The following SMG1 variants were observed in gnomAD, a reference collection of about 807,000 sequenced individuals.
SMG1 encodes serine/threonine-protein kinase SMG1.
In SMG1, 22 loss-of-function variants were observed where a neutral mutation model predicts 419.9. The ratio of observed to expected loss-of-function variants is 0.05; its 90% CI spans 0.04 to 0.07. The LOEUF (loss-of-function observed/expected upper bound fraction) is 0.07. Among genes scored for constraint, SMG1 ranks in the 10% least tolerant of loss-of-function variants. The pLI, the probability that SMG1 is intolerant of heterozygous loss-of-function variation, is 1.00. For missense variants in SMG1, 3,185 were observed against 4,342.0 expected (o/e 0.73, Z 7.49); for synonymous variants, 1,538 against 1,553.5 (o/e 0.99, Z 0.23).
intron 12 of SMG1, among the ~76,000 whole-genome samples, chr16:18,876,866 A>G (rs555204061): frequency 8.5e-5 from 13 of 152,072 alleles, no homozygotes; most frequent in Admixed American, 5.9e-4. Context: ...ACCCTTATGA[A>G]AATTTAAATT....
intron 1 of SMG1, among the ~76,000 whole-genome samples, chr16:18,919,269 G>T (rs1008012086): frequency 2.0e-5 from 3 of 151,954 alleles, no homozygotes; most frequent in African/African-American, 7.3e-5. Context: ...CGAGGTTGCA[G>T]TGAGCCAAGA....
intron 55 of SMG1, 83 bp downstream of exon 55, chr16:18,827,948 C>G (rs1326389113): frequency 1.4e-6 from 2 of 1,440,308 alleles, no homozygotes; most frequent in African/African-American, 2.8e-5. Context: ...AATAGACACA[C>G]TGAACAACAG....
intron 3 of SMG1, among the ~76,000 whole-genome samples, chr16:18,894,613 A>C (rs962495894): frequency 9.9e-5 from 15 of 151,878 alleles, no homozygotes; most frequent in Non-Finnish European, 1.5e-5. Flanking sequence ...TAAAAGTTAT[A>C]TACCAACAAT....
At chr16:18,837,023 C>T (rs548651763) in intron 46 of SMG1, among the ~76,000 whole-genome samples, 1 of 152,306 alleles carries the variant, frequency 6.6e-6, no homozygotes, top group South Asian at 2.1e-4. Context: ...CTAACCACTA[C>T]ACCCACCTAT....
chr16:18,909,173 T>C (rs1463554430), intron 1 of SMG1, among the ~76,000 whole-genome samples: 6 of 151,018 alleles, frequency 4.0e-5, no homozygotes, highest in Admixed American at 4.0e-4. Context: ...AGAAATCCTG[T>C]CTCCACTAAA....
intron 16 of SMG1, 124 bp from the exon 17 acceptor site, chr16:18,871,012 C>A: frequency 1.5e-6 from 1 of 646,292 alleles, no homozygotes; most frequent in Non-Finnish European, 2.6e-6. Flanking sequence ...AGACTAGGCA[C>A]TACTCTTGTC....
intron 55 of SMG1, among the ~76,000 whole-genome samples, chr16:18,819,863 G>A (rs1317076156): frequency 3.9e-5 from 6 of 152,218 alleles, no homozygotes; most frequent in Admixed American, 3.9e-4. Context: ...AGAGAGGCAA[G>A]AACTGGCTTT....
chr16:18,816,388 T>G lies in SMG1; in HGVS notation c.10216A>C (p.Asn3406His). The change falls in exon 58 of 63, where the codon AAT (asparagine) becomes CAT (histidine). Residue 3406 changes from asparagine (N) to histidine (H), a missense_variant. Physicochemically the swap from Asn to His is moderately conservative, Grantham distance 68. This residue lies in a region of SMG1 where 737 missense variants were observed against 846.6 expected (regional missense o/e 0.87). Coordinates refer to ENST00000446231, the MANE Select transcript of SMG1 (RefSeq NM_015092.5). ...QIETVCETIQ[N>H]LVDNIKTVLT... The stretch of plus-strand genomic sequence containing the variant: ...ACAGTCTTTATATTATCAACCAGAT[T>G]CTGAATTGTTTCACAGACCGTTTCT... The G allele has an allele frequency of 6.2e-7, 1 of 1,613,960 alleles. No homozygotes were observed. Among genetic ancestry groups the G allele is most frequent in the South Asian group, 1.1e-5 (1 of 91,080 alleles).
chr16:18,900,732 T>C (rs1390174156), intron 1 of SMG1, among the ~76,000 whole-genome samples: 2 of 152,208 alleles, frequency 1.3e-5, no homozygotes, highest in Admixed American at 1.3e-4. Context: ...GCCAATGAAG[T>C]AGGAATGTAC....
intron 5 of SMG1, among the ~76,000 whole-genome samples, chr16:18,890,574 CGAG>C (rs1416341139): frequency 6.6e-6 from 1 of 152,172 alleles, no homozygotes; most frequent in African/African-American, 2.4e-5. Context: ...CACTTGAACC[CGAG>C]AGGTGGAGGT....
chr16:18,819,442 C>T (rs2032319071), intron 56 of SMG1, 60 bp downstream of exon 56: 12 of 1,558,162 alleles, frequency 7.7e-6, no homozygotes, highest in Middle Eastern at 1.8e-4. Context: ...ATATAACTTC[C>T]AGCTACTCAT....
intron 1 of SMG1, among the ~76,000 whole-genome samples, chr16:18,923,395 A>G (rs1396100426): frequency 6.6e-6 from 1 of 152,222 alleles, no homozygotes; most frequent in Non-Finnish European, 1.5e-5. Flanking sequence ...CTGTAATCCC[A>G]GCACTTCGGG....
chr16:18,881,831 T>C (rs2036411485), intron 10 of SMG1, among the ~76,000 whole-genome samples: 1 of 152,140 alleles, frequency 6.6e-6, no homozygotes, highest in Admixed American at 6.6e-5. Context: ...GTGCTATTCG[T>C]AGTATGCTGA....
At chr16:18,879,886 G>C (rs2036307589) in intron 10 of SMG1, among the ~76,000 whole-genome samples, 167 bp from the exon 11 acceptor site, 1 of 152,160 alleles carries the variant, frequency 6.6e-6, no homozygotes, top group African/African-American at 2.4e-5. Flanking sequence ...GATATCTTTA[G>C]TACAGTATGT....
intron 23 of SMG1, among the ~76,000 whole-genome samples, chr16:18,864,767 G>A (rs548003841): frequency 3.9e-5 from 6 of 152,212 alleles, no homozygotes; most frequent in East Asian, 1.9e-4. Context: ...GTGAACCACC[G>A]CGCCCAGCCC....
Position 18,926,324 on chromosome 16 carries a change from C to G in SMG1, c.-283G>C, listed in dbSNP as rs1185600305. On this transcript the variant is annotated 5_prime_UTR_variant, in exon 1 of 63. Transcript: ENST00000446231. ...AGGCGACGTCTTTTCCAGGGCCGTG[C>G]GCGGCCCACGTCGCCGGGGCCCCGG... 3 of 397,356 alleles carry G rather than the reference C, an allele frequency of 7.5e-6. No homozygotes were observed. Among genetic ancestry groups the G allele is most frequent in the East Asian group, 4.3e-5 (1 of 23,134 alleles). 24.6% of individuals were successfully genotyped at this position (397,356 alleles called of 1,614,324 possible).
At chr16:18,818,458 C>T (rs2032219106) in intron 56 of SMG1, among the ~76,000 whole-genome samples, 1 of 151,952 alleles carries the variant, frequency 6.6e-6, no homozygotes, top group Non-Finnish European at 1.5e-5. Flanking sequence ...GTTTCAAACT[C>T]CTAGCTTCAA....
intron 55 of SMG1, among the ~76,000 whole-genome samples, chr16:18,821,221 CTT>C (rs869238782): frequency 0.049 from 1,729 of 35,480 alleles, 65 homozygotes; most frequent in Non-Finnish European, 0.062. Flanking sequence ...TAGTATGTTT[CTT>C]TTTTTTTTTT....
intron 23 of SMG1, among the ~76,000 whole-genome samples, chr16:18,864,704 T>C (rs1000560434): frequency 5.9e-5 from 9 of 152,080 alleles, no homozygotes; most frequent in African/African-American, 1.9e-4. Context: ...CTCAAACTCC[T>C]GGACTCAAGC....
Sources: gnomAD v4.1 joint callset for allele counts (sites outside exome capture counted in the v4.1 genomes callset) on GRCh38, gnomAD v4.1.1 for gene constraint, gnomAD v4.1.1 regional missense constraint, MANE v1.5 for transcripts, NCBI Gene and HGNC (gene_info 2026-07-23, HGNC 2026-07-21) for gene names.